ARSG: variants seen among roughly 807,000 people sequenced by gnomAD.
ARSG encodes ASG.
In ARSG, 37 loss-of-function variants were observed where a neutral mutation model predicts 50.5. The ratio of observed to expected loss-of-function variants is 0.73; its 90% CI spans 0.56 to 0.96. The LOEUF (loss-of-function observed/expected upper bound fraction) is 0.96, where lower values mean the gene tolerates loss of function less well. Ranked by LOEUF, ARSG falls within the 50% of genes least tolerant of loss-of-function variation. The pLI is 0.00. For missense variants in ARSG, 629 were observed against 675.3 expected (o/e 0.93, Z 0.76); for synonymous variants, 225 against 254.6 (o/e 0.88, Z 1.11).
intron 1 of ARSG, among the ~76,000 whole-genome samples, chr17:68,266,429 T>C (rs1555746414): frequency 1.7e-5 from 1 of 58,266 alleles, no homozygotes. Flanking sequence ...TATATATGTA[T>C]ATATATACTT....
At chr17:68,316,348 G>T (rs1335774055) in intron 2 of ARSG, among the ~76,000 whole-genome samples, 4 of 152,182 alleles carry the variant, frequency 2.6e-5, no homozygotes, top group Non-Finnish European at 5.9e-5. Flanking sequence ...CTGTTGAAAT[G>T]ATCTTCTTTG....
intron 6 of ARSG, among the ~76,000 whole-genome samples, chr17:68,363,986 C>T (rs2079420826): frequency 6.6e-6 from 1 of 152,160 alleles, no homozygotes; most frequent in East Asian, 1.9e-4. Flanking sequence ...TTCATTTCCC[C>T]CTGCATGAGG....
At chr17:68,306,255 A>G (rs1555764008) in intron 1 of ARSG, among the ~76,000 whole-genome samples, 1 of 151,374 alleles carries the variant, frequency 6.6e-6, no homozygotes, top group East Asian at 2.0e-4. Context: ...GCCCGCCTTG[A>G]CCTCCCAAAG....
chr17:68,362,286 C>T (rs2079329046), intron 6 of ARSG, among the ~76,000 whole-genome samples: 1 of 151,976 alleles, frequency 6.6e-6, no homozygotes, highest in African/African-American at 2.4e-5. Context: ...TGTCAGGGAT[C>T]CAGGTTCAGA....
chr17:68,307,173 C>T lies in ARSG; in HGVS notation c.-321C>T. 3.4e-6 allele frequency: 1 copy of T among 294,308 alleles called. No homozygotes were observed. Among genetic ancestry groups the T allele is most frequent in the Non-Finnish European group, 6.3e-6 (1 of 157,812 alleles). 18.2% of individuals were successfully genotyped at this position (294,308 alleles called of 1,614,324 possible). ...AAAGAGCAGTTGTTGACATTGATGT[C>T]TAATTATTGAACACGACCAGTCATT... On this transcript the variant is annotated 5_prime_UTR_variant, in exon 2 of 12. Transcript: ENST00000621439.
the ARSG span, chr17:68,450,809 G>A: frequency 1.1e-5 from 18 of 1,614,034 alleles, no homozygotes; most frequent in Middle Eastern, 1.6e-4. Flanking sequence ...AGTGATACAC[G>A]TTCATCTGCC....
chr17:68,395,125 CAA>C lies in ARSG; in HGVS notation c.1145_1146del (p.Gln382ArgfsTer5), dbSNP rs758482493. Reference sequence around the variant, plus strand: ...AGCCCTGGCCCAGGCCAGCTTACCTCAAGGACGGCGCTTTGATGGTGTGGACG... The same window carrying C: ...AGCCCTGGCCCAGGCCAGCTTACCTCGGACGGCGCTTTGATGGTGTGGACG... ...VVALAQASLP[Q>X]GRRFDGVDVS... is the part of the protein sequence containing the mutation. On this transcript the variant is annotated frameshift_variant, in exon 10 of 12. Transcript: ENST00000621439. LOFTEE classifies it high-confidence loss of function. 1 of 1,614,156 alleles carries C rather than the reference CAA, an allele frequency of 6.2e-7. No homozygotes were observed.
At chr17:68,330,215 A>T (rs1053894866) in intron 2 of ARSG, among the ~76,000 whole-genome samples, 4 of 152,256 alleles carry the variant, frequency 2.6e-5, no homozygotes, top group Admixed American at 6.5e-5. Context: ...ATCTCAAAAA[A>T]AAAAAGAAAA....
At chr17:68,306,394 A>C (rs2076610980) in intron 1 of ARSG, among the ~76,000 whole-genome samples, 1 of 151,622 alleles carries the variant, frequency 6.6e-6, no homozygotes, top group South Asian at 2.1e-4. Flanking sequence ...CTCAGTCTCA[A>C]AAAAAAAAGA....
chr17:68,305,472 C>G (rs2076572005), intron 1 of ARSG, among the ~76,000 whole-genome samples: 1 of 152,206 alleles, frequency 6.6e-6, no homozygotes, highest in African/African-American at 2.4e-5. Flanking sequence ...CCAGCCTTAC[C>G]TACTGAATCT....
chr17:68,292,175 G>T (rs1299150359), intron 1 of ARSG, among the ~76,000 whole-genome samples: 4 of 152,004 alleles, frequency 2.6e-5, no homozygotes, highest in African/African-American at 9.7e-5. Context: ...CAGCATCCGC[G>T]TTGCGCGAAA....
chr17:68,309,901 G>T (rs1292402794), intron 2 of ARSG, among the ~76,000 whole-genome samples: 3 of 151,052 alleles, frequency 2.0e-5, no homozygotes, highest in Non-Finnish European at 4.4e-5. Flanking sequence ...AATAAAGAAA[G>T]AAAGGGAAAT....
upstream of ARSG, among the ~76,000 whole-genome samples, chr17:68,288,694 C>T (rs578046263): frequency 6.6e-6 from 1 of 152,338 alleles, no homozygotes; most frequent in African/African-American, 2.4e-5. Context: ...ACTTCTATGA[C>T]AGCCTTTGAC....
intron 11 of ARSG, among the ~76,000 whole-genome samples, chr17:68,408,457 T>G (rs2081846112): frequency 6.6e-6 from 1 of 152,010 alleles, no homozygotes; most frequent in African/African-American, 2.4e-5. Context: ...CATGAACTCA[T>G]CATTTTTTAT....
At chr17:68,442,817 C>G in the ARSG span, among the ~76,000 whole-genome samples, 1 of 152,220 alleles carries the variant, frequency 6.6e-6, no homozygotes, top group Non-Finnish European at 1.5e-5. Context: ...TGCTGGCGCA[C>G]CTGTCTCAGA....
upstream of ARSG, among the ~76,000 whole-genome samples, chr17:68,286,688 A>G (rs1250815281): frequency 6.6e-6 from 1 of 152,022 alleles, no homozygotes; most frequent in Non-Finnish European, 1.5e-5. Context: ...TATTTTTAGT[A>G]GAGATGAGGT....
the ARSG span, among the ~76,000 whole-genome samples, chr17:68,450,255 G>A: frequency 5.3e-5 from 8 of 152,248 alleles, no homozygotes; most frequent in African/African-American, 1.7e-4. Context: ...AGCTGAGGAC[G>A]TGGTGGGAGA....
At chr17:68,395,916 AAG>A (rs1223234404) in intron 10 of ARSG, among the ~76,000 whole-genome samples, 3 of 152,186 alleles carry the variant, frequency 2.0e-5, no homozygotes, top group African/African-American at 7.2e-5. Flanking sequence ...AAATGAGTGA[AAG>A]ACCCTTTGGA....
intron 1 of ARSG, chr17:68,267,993 T>C (rs1303509072): frequency 2.6e-5 from 4 of 152,240 alleles, no homozygotes; most frequent in Admixed American, 6.5e-5. Context: ...TCAAAGAAGT[T>C]CCTCAAGTAT....
Sources: allele counts gnomAD v4.1 joint callset (sites outside exome capture counted in the v4.1 genomes callset), GRCh38; gene constraint gnomAD v4.1.1; transcripts MANE v1.5; gene names NCBI Gene and HGNC (gene_info 2026-07-23, HGNC 2026-07-21).